Variants in ERG observed in about 807,000 individuals in gnomAD.
The protein encoded by ERG is ETS transcription factor ERG.
Under a neutral mutation model 55.3 loss-of-function variants are expected in ERG, and 9 were observed. That is an observed-to-expected ratio of 0.16 (90% CI 0.10 to 0.28). ERG has a LOEUF of 0.28. Among genes scored for constraint, ERG ranks in the 10% least tolerant of loss-of-function variants. The pLI is 1.00. For synonymous variants in ERG, 223 were observed against 237.3 expected (o/e 0.94, Z 0.55); for missense variants, 434 against 631.6 (o/e 0.69, Z 3.35).
intron 2 of ERG, among the ~76,000 whole-genome samples, chr21:38,536,976 AG>A (rs2059715000): frequency 6.6e-6 from 1 of 152,222 alleles, no homozygotes; most frequent in Non-Finnish European, 1.5e-5. Flanking sequence ...GGAATAGAAT[AG>A]AGACTTCAGA....
At chr21:38,493,648 C>A (rs149202968) in intron 1 of ERG, among the ~76,000 whole-genome samples, 6 of 152,222 alleles carry the variant, frequency 3.9e-5, no homozygotes, top group Non-Finnish European at 7.3e-5. Flanking sequence ...CAGTCATAGG[C>A]CTCTGCCCTC....
intron 2 of ERG, among the ~76,000 whole-genome samples, chr21:38,554,213 C>G (rs1389476616): frequency 6.6e-6 from 1 of 152,166 alleles, no homozygotes; most frequent in Non-Finnish European, 1.5e-5. Flanking sequence ...GAAAAAGGAA[C>G]AGTTATATGC....
intron 1 of ERG, among the ~76,000 whole-genome samples, chr21:38,591,631 G>A (rs1177106858): frequency 6.6e-6 from 1 of 152,218 alleles, no homozygotes; most frequent in Non-Finnish European, 1.5e-5. Context: ...GGCAGAGGTT[G>A]CAGCAAGCTG....
At chr21:38,435,667 C>T (rs541505901) in intron 2 of ERG, among the ~76,000 whole-genome samples, 2 of 152,230 alleles carry the variant, frequency 1.3e-5, no homozygotes, top group Non-Finnish European at 2.9e-5. Context: ...TAAAGGGGCT[C>T]GATGTTTCCC....
At chr21:38,476,577 G>A (rs143972149) in intron 1 of ERG, among the ~76,000 whole-genome samples, 2,130 of 152,270 alleles carry the variant, frequency 0.014, 50 homozygotes, top group African/African-American at 0.05. Flanking sequence ...AATGAGATTA[G>A]TCTTGTAACG....
intron 2 of ERG, among the ~76,000 whole-genome samples, chr21:38,531,548 TA>T (rs565902521): frequency 6.6e-6 from 1 of 151,328 alleles, no homozygotes; most frequent in Non-Finnish European, 1.5e-5. Flanking sequence ...TAAAAGACTT[TA>T]AAAAAAAATA....
At chr21:38,608,075 A>G (rs1187588207) in intron 1 of ERG, among the ~76,000 whole-genome samples, 3 of 152,266 alleles carry the variant, frequency 2.0e-5, no homozygotes, top group African/African-American at 7.2e-5. Context: ...AGTAACAACT[A>G]CAAATATATT....
At chr21:38,632,564 A>C (rs2146959052) in intron 1 of ERG, among the ~76,000 whole-genome samples, 1 of 152,288 alleles carries the variant, frequency 6.6e-6, no homozygotes, top group African/African-American at 2.4e-5. Flanking sequence ...ATAGTGAATA[A>C]GTCTCACGAG....
intron 2 of ERG, among the ~76,000 whole-genome samples, chr21:38,542,857 T>C (rs1255151772): frequency 6.6e-6 from 1 of 152,260 alleles, no homozygotes; most frequent in East Asian, 1.9e-4. Flanking sequence ...CTGTGGTTGC[T>C]ATCAAATTTA....
chr21:38,387,629 G>GA (rs1987759874), intron 9 of ERG, among the ~76,000 whole-genome samples: 1 of 152,184 alleles, frequency 6.6e-6, no homozygotes, highest in Non-Finnish European at 1.5e-5. Flanking sequence ...TCTTTGGGCT[G>GA]AAAATCAGAG....
At chr21:38,463,680 T>C (rs2059063623) in intron 1 of ERG, among the ~76,000 whole-genome samples, 1 of 152,080 alleles carries the variant, frequency 6.6e-6, no homozygotes, top group African/African-American at 2.4e-5. Context: ...CATTTCCAGA[T>C]GGAGAAACTG....
chr21:38,440,990 C>T (rs1191772034), intron 2 of ERG, among the ~76,000 whole-genome samples: 2 of 152,146 alleles, frequency 1.3e-5, no homozygotes, highest in Admixed American at 6.5e-5. Flanking sequence ...AGAACACTGA[C>T]TCACCACTTA....
At chr21:38,647,277 C>T (rs974616539) in intron 1 of ERG, among the ~76,000 whole-genome samples, 1 of 152,198 alleles carries the variant, frequency 6.6e-6, no homozygotes, top group African/African-American at 2.4e-5. Flanking sequence ...CACCTTCAGT[C>T]CTTTCTAAGG....
At chr21:38,506,430 G>A (rs1238835128) in intron 2 of ERG, among the ~76,000 whole-genome samples, 4 of 152,056 alleles carry the variant, frequency 2.6e-5, no homozygotes, top group African/African-American at 7.2e-5. Context: ...AAAGCCTCAC[G>A]GTCCCTTCCT....
intron 1 of ERG, among the ~76,000 whole-genome samples, chr21:38,651,711 G>A (rs1037135727): frequency 1.7e-4 from 26 of 151,948 alleles, no homozygotes; most frequent in Non-Finnish European, 1.5e-5. Context: ...GACCTTACAC[G>A]GACTCTGCCT....
At chr21:38,423,282 A>G (rs1989631390) in intron 3 of ERG, 128 bp downstream of exon 3, 2 of 979,374 alleles carry the variant, frequency 2.0e-6, no homozygotes, top group African/African-American at 3.3e-5. Flanking sequence ...GCTCCCATTT[A>G]CAAGCCCTGC....
chr21:38,492,392 T>C (rs886281780), intron 1 of ERG, among the ~76,000 whole-genome samples: 2 of 152,268 alleles, frequency 1.3e-5, no homozygotes, highest in Admixed American at 1.3e-4. Flanking sequence ...TTAATTAACG[T>C]TATTTTACTA....
At position 38,403,519 on chromosome 21, in the gene ERG, G is replaced by C; in HGVS notation, c.579C>G (p.His193Gln). The change falls in exon 4 of 10, where the codon CAC becomes CAG. Residue 193 changes from histidine to glutamine, a missense_variant. Transcript: ENST00000288319. ...GGGGGAGCTTACTCTCTCTGAGGTA[G>C]TGGAGATGTGAGAGAAGGATGTCGG... ...YNADILLSHLHYLRETPLPHL... is the reference protein window; with the variant it reads ...YNADILLSHLQYLRETPLPHL... 6.2e-7 allele frequency: 1 copy of C among 1,614,130 alleles called. No individual in the cohort carries two copies. Among genetic ancestry groups the C allele is most frequent in the Non-Finnish European group, 8.5e-7 (1 of 1,179,960 alleles).
intron 1 of ERG, among the ~76,000 whole-genome samples, chr21:38,461,754 T>A (rs2059044798): frequency 6.6e-6 from 1 of 152,158 alleles, no homozygotes. Flanking sequence ...GAAAATAGAG[T>A]TACTTTTCAT....
Sources: gnomAD v4.1 joint callset for allele counts (sites outside exome capture counted in the v4.1 genomes callset) on GRCh38, gnomAD v4.1.1 for gene constraint, MANE v1.5 for transcripts, NCBI Gene and HGNC (gene_info 2026-07-23, HGNC 2026-07-21) for gene names.